The following KALRN variants were observed in gnomAD, a reference collection of about 807,000 sequenced individuals.
KALRN encodes kalirin.
A neutral mutation model predicts 353.7 loss-of-function variants in KALRN; 70 were observed. The ratio of observed to expected loss-of-function variants is 0.20; its 90% CI spans 0.16 to 0.24. KALRN has a LOEUF of 0.24. KALRN is among the 10% of genes least tolerant of loss of function. The probability of loss-of-function intolerance (pLI) is 1.00; values close to 1 mark genes in which losing one functional copy is unlikely to be tolerated. For missense variants in KALRN, 2,791 were observed against 3,756.7 expected, an observed-to-expected ratio of 0.74 and a Z score of 6.72; for synonymous variants, 1,391 against 1,434.8, an observed-to-expected ratio of 0.97 and a Z score of 0.69.
At chr3:124,050,902 C>T (rs1559873608) in intron 1 of KALRN, among the ~76,000 whole-genome samples, 1 of 152,142 alleles carries the variant, frequency 6.6e-6, no homozygotes, top group South Asian at 2.1e-4. Flanking sequence ...TATAACTATC[C>T]TAAACTTCCT....
chr3:124,215,314 C>G (rs1437915844), intron 1 of KALRN, among the ~76,000 whole-genome samples: 2 of 152,160 alleles, frequency 1.3e-5, no homozygotes, highest in Non-Finnish European at 2.9e-5. Flanking sequence ...AATAAAAATT[C>G]AGAGGACCCA....
intron 6 of KALRN, among the ~76,000 whole-genome samples, chr3:124,318,013 A>G (rs1388620735): frequency 6.6e-6 from 1 of 152,104 alleles, no homozygotes; most frequent in Non-Finnish European, 1.5e-5. Flanking sequence ...AGAGAGAGAG[A>G]GGAGCTTCTC....
At chr3:124,288,323 A>G (rs2076132639) in intron 5 of KALRN, among the ~76,000 whole-genome samples, 2 of 152,226 alleles carry the variant, frequency 1.3e-5, no homozygotes, top group Admixed American at 1.3e-4. Context: ...TCAGGAGGAG[A>G]TGAGACTTCA....
intron 49 of KALRN, 193 bp downstream of exon 49, chr3:124,674,807 T>C: frequency 2.2e-6 from 1 of 457,420 alleles, no homozygotes; most frequent in Non-Finnish European, 3.6e-6. Context: ...TGATCCAGTT[T>C]TTTAGTTGGT....
intron 1 of KALRN, among the ~76,000 whole-genome samples, chr3:124,196,700 A>G (rs1037605980): frequency 6.6e-6 from 1 of 152,180 alleles, no homozygotes; most frequent in African/African-American, 2.4e-5. Context: ...TAAAACCTAA[A>G]CACATTGTTC....
chr3:124,429,635 G>T, intron 15 of KALRN, among the ~76,000 whole-genome samples: 1 of 152,156 alleles, frequency 6.6e-6, no homozygotes, highest in East Asian at 1.9e-4. Context: ...GACTTTATTA[G>T]CTGGATAATT....
intron 2 of KALRN, 36 bp from the exon 3 acceptor site, chr3:124,234,793 T>G (rs2148577833): frequency 6.7e-7 from 1 of 1,498,988 alleles, no homozygotes; most frequent in East Asian, 2.4e-5. Context: ...TTCTGACTGG[T>G]TTTCTTAAAC....
intron 5 of KALRN, among the ~76,000 whole-genome samples, chr3:124,297,049 T>A (rs1373832603): frequency 6.6e-6 from 1 of 152,250 alleles, no homozygotes; most frequent in Non-Finnish European, 1.5e-5. Context: ...TCTGAGTCCA[T>A]GTCAACTTTC....
intron 34 of KALRN, among the ~76,000 whole-genome samples, chr3:124,564,037 G>C (rs760895338): frequency 6.0e-5 from 9 of 148,790 alleles, no homozygotes; most frequent in Non-Finnish European, 1.2e-4. Context: ...AAAAAAATTA[G>C]CTGGGCAAAA....
At chr3:124,648,976 G>A (rs549334871) in intron 37 of KALRN, among the ~76,000 whole-genome samples, 7 of 152,256 alleles carry the variant, frequency 4.6e-5, no homozygotes, top group Non-Finnish European at 1.0e-4. Context: ...CAACTTCCAT[G>A]GCTGATTACT....
At chr3:124,265,059 T>C (rs374040815) in intron 4 of KALRN, among the ~76,000 whole-genome samples, 1 of 152,168 alleles carries the variant, frequency 6.6e-6, no homozygotes, top group East Asian at 1.9e-4. Flanking sequence ...TTTGGGTACA[T>C]GTGACATTTT....
At chr3:124,401,559 T>G (rs978483333) in intron 13 of KALRN, among the ~76,000 whole-genome samples, 1 of 152,182 alleles carries the variant, frequency 6.6e-6, no homozygotes, top group Non-Finnish European at 1.5e-5. Flanking sequence ...CTTTAGCCTT[T>G]GTATGTATAA....
Position 124,462,648 on chromosome 3 carries a change from G to A in KALRN, c.4031+15G>A, listed in dbSNP as rs1255426495. 1 of 1,439,974 alleles carries A rather than the reference G, an allele frequency of 6.9e-7. No homozygotes were observed. The highest frequency in any genetic ancestry group is 1.4e-5 in the African/African-American group (1 of 71,684). 89.2% of individuals were successfully genotyped at this position (1,439,974 alleles called of 1,614,324 possible). A position where few individuals can be genotyped will look rare whatever the true frequency, so the allele number is the denominator to read the frequency against. On this transcript the variant is annotated intron_variant, in intron 25 of 59. Coordinates refer to ENST00000682506, the MANE Select transcript of KALRN (RefSeq NM_001388419.1). ...TTCCATAACAAGTAGGTTTGTGGAG[G>A]GTCTCAGAGGTGCACACTTAGGCCG...
At chr3:124,634,583 G>C (rs2081151451) in intron 36 of KALRN, among the ~76,000 whole-genome samples, 1 of 152,208 alleles carries the variant, frequency 6.6e-6, no homozygotes, top group Admixed American at 6.5e-5. Flanking sequence ...CATCCCAGTT[G>C]TTCTGGAGCA....
intron 23 of KALRN, among the ~76,000 whole-genome samples, chr3:124,461,633 G>T (rs2059872325): frequency 6.6e-6 from 1 of 152,080 alleles, no homozygotes; most frequent in Non-Finnish European, 1.5e-5. Flanking sequence ...GGGTGGAAAA[G>T]GGAGAGAGAA....
chr3:124,372,279 G>T (rs887575821), intron 10 of KALRN, among the ~76,000 whole-genome samples: 7 of 152,060 alleles, frequency 4.6e-5, no homozygotes, highest in African/African-American at 1.7e-4. Flanking sequence ...TATTCACCAT[G>T]GAATAATTAG....
chr3:124,663,912 G>A (rs2085221232), intron 45 of KALRN, among the ~76,000 whole-genome samples: 1 of 152,098 alleles, frequency 6.6e-6, no homozygotes, highest in South Asian at 2.1e-4. Context: ...TCTCCTCCTT[G>A]CCCTTTCAGC....
intron 57 of KALRN, among the ~76,000 whole-genome samples, chr3:124,706,930 T>C (rs554712518): frequency 1.1e-3 from 164 of 152,032 alleles, no homozygotes; most frequent in African/African-American, 3.7e-3. Flanking sequence ...CCACCCAAGA[T>C]AGAGTAAGCC....
intron 57 of KALRN, among the ~76,000 whole-genome samples, chr3:124,711,620 G>A (rs2062891730): frequency 6.6e-6 from 1 of 152,082 alleles, no homozygotes; most frequent in Non-Finnish European, 1.5e-5. Flanking sequence ...CCTTCCACAG[G>A]GCAACAGCTG....
Sources: allele counts gnomAD v4.1 joint callset (sites outside exome capture counted in the v4.1 genomes callset), GRCh38; gene constraint gnomAD v4.1.1; transcripts MANE v1.5; gene names NCBI Gene and HGNC (gene_info 2026-07-23, HGNC 2026-07-21).